Variants in GOT1 observed in about 807,000 individuals in gnomAD.
The protein encoded by GOT1 is glutamic-oxaloacetic transaminase 1.
Under a neutral mutation model 48.2 loss-of-function variants are expected in GOT1, and 25 were observed. The ratio of observed to expected loss-of-function variants is 0.52; its 90% confidence interval spans 0.38 to 0.72. GOT1 has a LOEUF of 0.72. Among genes scored for constraint, GOT1 ranks in the 30% least tolerant of loss-of-function variants. The pLI, the probability that GOT1 is intolerant of heterozygous loss-of-function variation, is 0.00. For synonymous variants in GOT1, 188 were observed against 193.8 expected (o/e 0.97, Z 0.25); for missense variants, 380 against 520.1 (o/e 0.73, Z 2.62).
At chr10:99,409,811 C>A (rs2032808261) in intron 2 of GOT1, among the ~76,000 whole-genome samples, 1 of 152,152 alleles carries the variant, frequency 6.6e-6, no homozygotes, top group Non-Finnish European at 1.5e-5. Flanking sequence ...TTCATTTAAC[C>A]CATAAGTCAG....
chr10:99,417,535 A>T (rs1043755180), intron 2 of GOT1, among the ~76,000 whole-genome samples: 3 of 152,252 alleles, frequency 2.0e-5, no homozygotes, highest in African/African-American at 7.2e-5. Flanking sequence ...TTCCTCAGGG[A>T]TCTAGAACTA....
rs779521968 is a variant in GOT1 at position 99,430,428 on chromosome 10, C to T, written c.118+20G>A. 2.5e-6 allele frequency: 4 copies of T among 1,604,096 alleles called. No individual in the cohort carries two copies. The highest frequency in any genetic ancestry group is 2.7e-5 in the African/African-American group (2 of 74,788). On this transcript the variant is annotated intron_variant, in intron 1 of 8. Coordinates refer to ENST00000370508, the MANE Select transcript of GOT1 (RefSeq NM_002079.3). ...CTCCACTCCCCGAGCTGCTCACACTCCAGAGCACTACATCCTTACCTCCCA... is the reference window on the plus strand; with the variant it reads ...CTCCACTCCCCGAGCTGCTCACACTTCAGAGCACTACATCCTTACCTCCCA...
At chr10:99,398,876 T>C (rs1288253033) in intron 8 of GOT1, among the ~76,000 whole-genome samples, 1 of 152,062 alleles carries the variant, frequency 6.6e-6, no homozygotes, top group African/African-American at 2.4e-5. Context: ...ATAAAGACAT[T>C]AAATGGCCTT....
In GOT1 at chr10:99,397,299, T is replaced by A. The variant is rs1229114036; in HGVS notation, c.*248A>T. Reference sequence around the variant, plus strand: ...AGATACCTATGTCTCATGATCAAAGTACTCTTTTATTCTTAAATAAAAATC... The same window carrying A: ...AGATACCTATGTCTCATGATCAAAGAACTCTTTTATTCTTAAATAAAAATC... On this transcript the variant is annotated 3_prime_UTR_variant, in exon 9 of 9. Transcript: ENST00000370508. The surrounding 1 kb of genome is among the most constrained non-coding windows in gnomAD (Gnocchi z 5.4). 1.7e-5 allele frequency: 8 copies of A among 484,236 alleles called. No individual in the cohort carries two copies. The East Asian group carries it at 2.7e-4, about 17-fold the overall frequency. The allele number at this position is 484,236 out of a possible 1,614,324, so 30.0% of individuals were successfully genotyped here. A position where few individuals can be genotyped will look rare whatever the true frequency, so the allele number is the denominator to read the frequency against.
chr10:99,409,143 T>A (rs1221085635), intron 2 of GOT1, among the ~76,000 whole-genome samples: 4 of 152,012 alleles, frequency 2.6e-5, no homozygotes, highest in African/African-American at 9.7e-5. Context: ...TTTTTTTGTT[T>A]GTTTTTTGAG....
At chr10:99,398,945 T>C (rs747208836) in intron 8 of GOT1, among the ~76,000 whole-genome samples, 1 of 152,200 alleles carries the variant, frequency 6.6e-6, no homozygotes, top group Non-Finnish European at 1.5e-5. Context: ...ATTTCAAGTC[T>C]GGGCTGTACA....
intron 2 of GOT1, among the ~76,000 whole-genome samples, chr10:99,418,120 A>G (rs2032921433): frequency 6.6e-6 from 1 of 151,852 alleles, no homozygotes; most frequent in South Asian, 2.1e-4. Context: ...ACCCACAGTG[A>G]TGTATTAATA....
intron 2 of GOT1, among the ~76,000 whole-genome samples, chr10:99,413,636 T>C (rs1258998430): frequency 1.3e-5 from 2 of 152,180 alleles, no homozygotes; most frequent in East Asian, 1.9e-4. Flanking sequence ...GACACATAAT[T>C]GTCAGATTCA....
intron 1 of GOT1, among the ~76,000 whole-genome samples, chr10:99,426,295 C>T (rs760101357): frequency 1.8e-4 from 28 of 152,084 alleles, no homozygotes; most frequent in African/African-American, 4.3e-4. Flanking sequence ...GTGGGCCCAG[C>T]AGTCTTGCTT....
intron 1 of GOT1, among the ~76,000 whole-genome samples, chr10:99,427,435 A>AT (rs1056451832): frequency 1.3e-4 from 20 of 151,860 alleles, no homozygotes; most frequent in East Asian, 7.7e-4. Flanking sequence ...CGCCCTGCTA[A>AT]TTTTTTTGTA....
chr10:99,404,014 G>C, intron 5 of GOT1, 140 bp from the exon 6 acceptor site: 1 of 717,152 alleles, frequency 1.4e-6, no homozygotes, highest in Non-Finnish European at 2.3e-6. Flanking sequence ...ATGCACCCAA[G>C]CTCCACTTTA....
At chr10:99,428,075 T>G (rs1327658089) in intron 1 of GOT1, among the ~76,000 whole-genome samples, 3 of 152,108 alleles carry the variant, frequency 2.0e-5, no homozygotes, top group Non-Finnish European at 1.5e-5. Flanking sequence ...GCTGTCGGGG[T>G]GCTTTTTCTC....
intron 2 of GOT1, among the ~76,000 whole-genome samples, chr10:99,416,653 G>A (rs1180392648): frequency 6.6e-6 from 1 of 152,136 alleles, no homozygotes; most frequent in Non-Finnish European, 1.5e-5. Flanking sequence ...TAAGCTGGAG[G>A]CATCATGCTA....
At chr10:99,411,696 C>T (rs2032829971) in intron 2 of GOT1, among the ~76,000 whole-genome samples, 2 of 152,212 alleles carry the variant, frequency 1.3e-5, no homozygotes, top group Non-Finnish European at 2.9e-5. Context: ...AAACTGAATG[C>T]AAGGGCAGGG....
At chr10:99,408,275 T>C (rs1349207014) in intron 2 of GOT1, among the ~76,000 whole-genome samples, 2 of 152,184 alleles carry the variant, frequency 1.3e-5, no homozygotes, top group Non-Finnish European at 2.9e-5. Flanking sequence ...TCTAATGATG[T>C]AGTTCTCTGC....
intron 8 of GOT1, among the ~76,000 whole-genome samples, chr10:99,400,700 G>A (rs995153284): frequency 6.6e-6 from 1 of 152,200 alleles, no homozygotes; most frequent in African/African-American, 2.4e-5. Context: ...CAGCACTGTG[G>A]GAGGCCAAGG....
intron 1 of GOT1, chr10:99,430,105 T>A (rs1395351568): frequency 4.3e-6 from 2 of 461,622 alleles, no homozygotes; most frequent in African/African-American, 4.0e-5. Context: ...CTATCAGGCT[T>A]CCTATTTTTC....
In GOT1 at chr10:99,430,612, G is replaced by GCAGGT; in HGVS notation, c.-52_-48dup. On this transcript the variant is annotated 5_prime_UTR_variant, in exon 1 of 9. Coordinates refer to ENST00000370508, the MANE Select transcript of GOT1 (RefSeq NM_002079.3). ...AGATTTCACCCCACGCCCGGAGCTG[G>GCAGGT]CAGGTCAGGTCTGGCCGTTGCGACT... is the stretch of plus-strand genomic sequence containing the variant. 2 of 1,499,184 alleles carry GCAGGT rather than the reference G, an allele frequency of 1.3e-6. No individual in the cohort carries two copies. Among genetic ancestry groups the GCAGGT allele is most frequent in the Non-Finnish European group, 1.8e-6 (2 of 1,100,040 alleles). The allele number at this position is 1,499,184 out of a possible 1,614,324, so 92.9% of individuals were successfully genotyped here.
rs1310738677 is a variant in GOT1, at chr10:99,403,770, G to A, written c.747C>T (p.Phe249=). ...AGAAGGACTGGGCACAGAAGAACTCGAAGCCTTCAGACACAAAATAGCGAA... is the reference window on the plus strand; with the variant it reads ...AGAAGGACTGGGCACAGAAGAACTCAAAGCCTTCAGACACAAAATAGCGAA... ...WAIRYFVSEG[F]EFFCAQSFSK... Residue 249 remains phenylalanine, a synonymous_variant, in exon 6 of 9, where the codon TTC becomes TTT. Coordinates refer to ENST00000370508, the MANE Select transcript of GOT1 (RefSeq NM_002079.3). The A allele has an allele frequency of 2.5e-6, 4 of 1,614,172 alleles. No individual in the cohort carries two copies. Among genetic ancestry groups the A allele is most frequent in the East Asian group, 2.2e-5 (1 of 44,878 alleles).
Sources: gnomAD v4.1 joint callset for allele counts (sites outside exome capture counted in the v4.1 genomes callset) on GRCh38, gnomAD v4.1.1 for gene constraint, Gnocchi (gnomAD v3.1) non-coding constraint, MANE v1.5 for transcripts, NCBI Gene and HGNC (gene_info 2026-07-23, HGNC 2026-07-21) for gene names.